The following PRKG1 variants were observed in gnomAD, a reference collection of about 807,000 sequenced individuals.
PRKG1 encodes the protein protein kinase cGMP-dependent 1.
Under a neutral mutation model 88.1 loss-of-function variants are expected in PRKG1, and 35 were observed. The ratio of observed to expected loss-of-function variants is 0.40; its 90% confidence interval spans 0.30 to 0.53. PRKG1 has a LOEUF of 0.53. PRKG1 is among the 20% of genes least tolerant of loss of function. PRKG1 has a pLI of 0.59. For synonymous variants in PRKG1, 303 were observed against 292.5 expected (o/e 1.04, Z -0.37); for missense variants, 540 against 839.8 (o/e 0.64, Z 4.41).
intron 3 of PRKG1, among the ~76,000 whole-genome samples, chr10:51,626,127 T>C (rs1839331025): frequency 6.6e-6 from 1 of 152,222 alleles, no homozygotes; most frequent in African/African-American, 2.4e-5. Flanking sequence ...AACATTTTAT[T>C]GGTGTATACA....
chr10:52,027,239 C>G (rs536965257), intron 5 of PRKG1, among the ~76,000 whole-genome samples: 2 of 152,020 alleles, frequency 1.3e-5, no homozygotes, highest in African/African-American at 4.8e-5. Context: ...TGATGGATAG[C>G]GACAACAGCA....
At chr10:52,084,459 G>T (rs1377101482) in intron 7 of PRKG1, among the ~76,000 whole-genome samples, 1 of 151,988 alleles carries the variant, frequency 6.6e-6, no homozygotes, top group Admixed American at 6.6e-5. Flanking sequence ...TAACGTAGAA[G>T]TTGCAAGATT....
chr10:51,819,590 G>C (rs1227346747), intron 4 of PRKG1, among the ~76,000 whole-genome samples: 1 of 152,162 alleles, frequency 6.6e-6, no homozygotes, highest in African/African-American at 2.4e-5. Flanking sequence ...GATCTCTACA[G>C]AGTTAGTTGA....
intron 2 of PRKG1, among the ~76,000 whole-genome samples, chr10:51,367,290 T>G (rs1198864490): frequency 6.6e-6 from 1 of 151,886 alleles, no homozygotes; most frequent in Non-Finnish European, 1.5e-5. Context: ...ACATTGAAAT[T>G]CCAAAAAGAG....
intron 2 of PRKG1, among the ~76,000 whole-genome samples, chr10:51,360,314 A>G (rs189550796): frequency 1.3e-5 from 2 of 152,030 alleles, no homozygotes; most frequent in Non-Finnish European, 2.9e-5. Flanking sequence ...TGTACAGGTA[A>G]ACTTATGCAC....
At chr10:51,850,664 C>A (rs1840529984) in intron 4 of PRKG1, among the ~76,000 whole-genome samples, 1 of 151,966 alleles carries the variant, frequency 6.6e-6, no homozygotes, top group Non-Finnish European at 1.5e-5. Flanking sequence ...TACCTACAGC[C>A]TAACAGAAAA....
rs775623391 is a variant in PRKG1, at chr10:51,334,500, G to A, written c.479-133223G>A. 2.0e-5 allele frequency among the ~76,000 whole-genome samples: 3 copies of A among 152,230 alleles called. No individual in the cohort carries two copies. In the South Asian group the frequency reaches 6.2e-4, roughly 32 times the overall value. On this transcript the variant is annotated intron_variant, in intron 2 of 17. Coordinates refer to ENST00000373980, the MANE Select transcript of PRKG1 (RefSeq NM_006258.4). Reference sequence around the variant, plus strand: ...TTGAATGAAGAGATTCGTAATTAATGAGGTCTAACATAGTAATGGCTTCTT... The same window carrying A: ...TTGAATGAAGAGATTCGTAATTAATAAGGTCTAACATAGTAATGGCTTCTT...
intron 7 of PRKG1, among the ~76,000 whole-genome samples, chr10:52,124,811 G>T (rs576074434): frequency 6.7e-6 from 1 of 150,332 alleles, no homozygotes; most frequent in African/African-American, 2.5e-5. Flanking sequence ...TTTACTTTTC[G>T]AAGTTTTTTT....
intron 6 of PRKG1, among the ~76,000 whole-genome samples, chr10:52,061,092 AG>A (rs1399921161): frequency 6.6e-6 from 1 of 152,070 alleles, no homozygotes; most frequent in African/African-American, 2.4e-5. Flanking sequence ...CATCTATAAA[AG>A]CCTCTTCAGC....
At position 52,002,795 on chromosome 10, in the gene PRKG1, G is replaced by GT. The variant is rs1054628504; in HGVS notation, c.763-51683dup. Among the ~76,000 whole-genome samples, 11 of 152,258 alleles carry GT rather than the reference G, an allele frequency of 7.2e-5. No individual in the cohort carries two copies. The South Asian group carries it at 8.3e-4, about 11-fold the overall frequency. ...ACACTATGAAAGATCATCAGCAGCA[G>GT]TTTTTTCTTGCACTTTTTCAGCTCT... is the stretch of plus-strand genomic sequence containing the variant. On this transcript the variant is annotated intron_variant, in intron 5 of 17. Coordinates refer to ENST00000373980, the MANE Select transcript of PRKG1 (RefSeq NM_006258.4).
intron 8 of PRKG1, among the ~76,000 whole-genome samples, chr10:52,151,249 C>T (rs191535639): frequency 1.5e-4 from 23 of 152,216 alleles, no homozygotes; most frequent in African/African-American, 3.4e-4. Flanking sequence ...CTTTCACCCT[C>T]GGGTGGGCCC....
At chr10:52,286,245 A>G (rs1263193230) in intron 14 of PRKG1, among the ~76,000 whole-genome samples, 1 of 152,062 alleles carries the variant, frequency 6.6e-6, no homozygotes, top group African/African-American at 2.4e-5. Flanking sequence ...GCTGGCCTCA[A>G]CCTTCTCTAC....
intron 2 of PRKG1, among the ~76,000 whole-genome samples, chr10:51,220,784 A>T (rs1838508322): frequency 6.6e-6 from 1 of 152,230 alleles, no homozygotes; most frequent in Non-Finnish European, 1.5e-5. Context: ...TGAATAAAAC[A>T]TTATTAAAAG....
intron 2 of PRKG1, among the ~76,000 whole-genome samples, chr10:51,190,112 T>G (rs963459772): frequency 3.3e-5 from 5 of 151,990 alleles, no homozygotes; most frequent in Non-Finnish European, 7.4e-5. Flanking sequence ...GTAACAACAT[T>G]GTTGTTGTCA....
chr10:51,153,288 A>G lies in PRKG1; in HGVS notation c.436A>G (p.Ile146Val). The change falls in exon 2 of 18, where the codon ATC becomes GTC. Residue 146 changes from isoleucine (I) to valine (V), a missense_variant. Physicochemically the swap from Ile to Val is conservative, Grantham distance 29. Around this residue, in one of 5 missense-constraint regions of PRKG1, gnomAD observed 400 missense variants for 562.7 expected, o/e 0.71. Transcript: ENST00000373980. ...GGAGTATGGCAAGGACAGTTGCATC[A>G]TCAAAGAAGGAGACGTGGGGTCACT... ...PVEYGKDSCI[I>V]KEGDVGSLVY... 1 of 1,612,180 alleles carries G rather than the reference A, an allele frequency of 6.2e-7. No individual in the cohort carries two copies. Among genetic ancestry groups the G allele is most frequent in the Non-Finnish European group, 8.5e-7 (1 of 1,178,790 alleles).
chr10:52,248,639 G>C (rs1419608013), intron 9 of PRKG1, among the ~76,000 whole-genome samples: 1 of 152,092 alleles, frequency 6.6e-6, no homozygotes, highest in East Asian at 1.9e-4. Flanking sequence ...AACTATAATT[G>C]GTACTTCCCG....
intron 12 of PRKG1, among the ~76,000 whole-genome samples, chr10:52,277,734 A>G (rs747077373): frequency 6.6e-6 from 1 of 152,138 alleles, no homozygotes; most frequent in African/African-American, 2.4e-5. Flanking sequence ...GCATTTTTCC[A>G]TCTTTCTGCT....
intron 9 of PRKG1, among the ~76,000 whole-genome samples, chr10:52,165,003 T>A (rs1166505165): frequency 6.6e-6 from 1 of 152,172 alleles, no homozygotes; most frequent in Non-Finnish European, 1.5e-5. Context: ...GAATGTATAG[T>A]CCATGTTTTT....
In PRKG1 at chr10:51,595,923, C is replaced by T. The variant is rs529032058; in HGVS notation, c.592+128087C>T. ...GATCTTGGCTCACTGCAACCTCTGC[C>T]GGATTCAAGCGATTCTCCTGCCTCA... On this transcript the variant is annotated intron_variant, in intron 3 of 17. Transcript: ENST00000373980. Among the ~76,000 whole-genome samples the T allele has an allele frequency of 7.2e-5, 11 of 152,102 alleles. No homozygotes were observed. In the South Asian group the frequency reaches 1.9e-3, roughly 26 times the overall value.
Sources: gnomAD v4.1 joint callset for allele counts (sites outside exome capture counted in the v4.1 genomes callset) on GRCh38, gnomAD v4.1.1 for gene constraint, gnomAD v4.1.1 regional missense constraint, MANE v1.5 for transcripts, NCBI Gene and HGNC (gene_info 2026-07-23, HGNC 2026-07-21) for gene names.